Variants in SPACA7 observed in about 807,000 individuals in gnomAD.
SPACA7 encodes sperm acrosome associated 7.
In SPACA7, 19 loss-of-function variants were observed where a neutral mutation model predicts 26.3. That is an observed-to-expected ratio of 0.72 (90% CI 0.50 to 1.06). The LOEUF (loss-of-function observed/expected upper bound fraction) is 1.06. Among genes scored for constraint, SPACA7 ranks in the 50% least tolerant of loss-of-function variants. The pLI, the probability that SPACA7 is intolerant of heterozygous loss-of-function variation, is 0.00. For synonymous variants in SPACA7, 84 were observed against 84.5 expected (o/e 0.99, Z 0.04); for missense variants, 211 against 229.9 (o/e 0.92, Z 0.53).
At chr13:112,399,484 C>T (rs1315360346) in intron 4 of SPACA7, among the ~76,000 whole-genome samples, 2 of 152,236 alleles carry the variant, frequency 1.3e-5, no homozygotes, top group Admixed American at 1.3e-4. Context: ...GCCCCCTCTC[C>T]CAAAGCTTCA....
At chr13:112,421,019 A>G (rs1875910051) in intron 5 of SPACA7, among the ~76,000 whole-genome samples, 1 of 152,164 alleles carries the variant, frequency 6.6e-6, no homozygotes, top group African/African-American at 2.4e-5. Context: ...GGATTATTTC[A>G]GACAAAGATA....
At chr13:112,420,238 T>A (rs1376036798) in intron 5 of SPACA7, among the ~76,000 whole-genome samples, 1 of 152,156 alleles carries the variant, frequency 6.6e-6, no homozygotes, top group Non-Finnish European at 1.5e-5. Context: ...CATTATAAAG[T>A]AATAAACAAC....
chr13:112,412,726 T>C (rs1434786887), intron 5 of SPACA7, among the ~76,000 whole-genome samples: 1 of 152,182 alleles, frequency 6.6e-6, no homozygotes, highest in African/African-American at 2.4e-5. Flanking sequence ...CTTTTTCAAA[T>C]GTATGTTCTT....
chr13:112,432,270 T>G (rs1341476741), intron 5 of SPACA7, among the ~76,000 whole-genome samples, 174 bp from the exon 6 acceptor site: 2 of 152,218 alleles, frequency 1.3e-5, no homozygotes, highest in African/African-American at 4.8e-5. Context: ...GAAATGTTTT[T>G]GATGGCCTCG....
intron 5 of SPACA7, among the ~76,000 whole-genome samples, chr13:112,426,049 C>A (rs1002927352): frequency 1.3e-5 from 2 of 152,234 alleles, no homozygotes; most frequent in African/African-American, 2.4e-5. Context: ...AAATGTATAG[C>A]ATTAAATGCT....
intron 5 of SPACA7, among the ~76,000 whole-genome samples, chr13:112,402,180 T>G (rs548961681): frequency 2.3e-4 from 35 of 152,362 alleles, no homozygotes; most frequent in Admixed American, 1.0e-3. Context: ...GAATAAGTAA[T>G]GTCTTTCTGT....
intron 2 of SPACA7, among the ~76,000 whole-genome samples, chr13:112,397,648 C>T (rs778050638): frequency 9.9e-5 from 15 of 152,130 alleles, no homozygotes; most frequent in Non-Finnish European, 1.5e-4. Context: ...GAAGAAAATG[C>T]GGCTGTGTTG....
At chr13:112,397,362 G>A (rs571434136) in intron 2 of SPACA7, among the ~76,000 whole-genome samples, 33 of 152,242 alleles carry the variant, frequency 2.2e-4, no homozygotes, top group African/African-American at 7.5e-4. Flanking sequence ...CAGAGACAGC[G>A]GTGACTCTCG....
intron 5 of SPACA7, among the ~76,000 whole-genome samples, chr13:112,425,026 G>C (rs542083415): frequency 6.6e-6 from 1 of 152,338 alleles, no homozygotes; most frequent in Admixed American, 6.5e-5. Flanking sequence ...CAGAGGACTG[G>C]AGAAGATGCT....
At chr13:112,383,973 G>A (rs1159980140) in intron 1 of SPACA7, among the ~76,000 whole-genome samples, 1 of 152,208 alleles carries the variant, frequency 6.6e-6, no homozygotes, top group African/African-American at 2.4e-5. Context: ...CAAATATGTT[G>A]TAAATTTTGT....
chr13:112,384,596 T>C (rs1239198253), intron 1 of SPACA7, among the ~76,000 whole-genome samples: 1 of 152,136 alleles, frequency 6.6e-6, no homozygotes, highest in Non-Finnish European at 1.5e-5. Context: ...ATAGCAAAGG[T>C]TTAAAACACT....
At chr13:112,399,335 G>A (rs1349922783) in intron 4 of SPACA7, among the ~76,000 whole-genome samples, 162 bp downstream of exon 4, 1 of 152,228 alleles carries the variant, frequency 6.6e-6, no homozygotes, top group Non-Finnish European at 1.5e-5. Context: ...GTCTCTGTCG[G>A]GGCTGAGGGA....
chr13:112,378,997 G>C (rs763026099), intron 1 of SPACA7, among the ~76,000 whole-genome samples: 6 of 152,216 alleles, frequency 3.9e-5, no homozygotes, highest in Non-Finnish European at 8.8e-5. Context: ...GTTTATGAAA[G>C]TGTAATTACC....
intron 5 of SPACA7, among the ~76,000 whole-genome samples, chr13:112,424,362 G>A (rs1876318623): frequency 6.6e-6 from 1 of 152,154 alleles, no homozygotes; most frequent in Admixed American, 6.5e-5. Flanking sequence ...CCCAGTTACG[G>A]CTTCCCTGCA....
chr13:112,392,341 G>C (rs141747322), intron 1 of SPACA7, among the ~76,000 whole-genome samples: 2 of 152,098 alleles, frequency 1.3e-5, no homozygotes, highest in Non-Finnish European at 2.9e-5. Flanking sequence ...AGGAGGCCAC[G>C]GGGCCTGTGG....
chr13:112,405,673 TAAC>T (rs1237584333), intron 5 of SPACA7, among the ~76,000 whole-genome samples: 1 of 152,214 alleles, frequency 6.6e-6, no homozygotes. Flanking sequence ...TGTGTGTTAA[TAAC>T]AACAACCTTT....
chr13:112,383,131 AAGAAAGAAAGAAAGAAAGAAAGAAAG>A lies in SPACA7; in HGVS notation c.94+6654_94+6679del, dbSNP rs1476547131. Among the ~76,000 whole-genome samples the A allele has an allele frequency of 2.6e-3, 137 of 53,456 alleles. 3 individuals carry two copies. Among genetic ancestry groups the A allele is most frequent in the Non-Finnish European group, 3.0e-3 (94 of 31,580 alleles). The allele number at this position is 53,456 out of a possible 152,430, so 35.1% of individuals were successfully genotyped here. On this transcript the variant is annotated intron_variant, in intron 1 of 6. Transcript: ENST00000283550. ...AAAAGAAAAGAAAAGAAAAGAAAGA[AAGAAAGAAAGAAAGAAAGAAAGAAAG>A]AAAGAAAGAAAGAAAGAAAGAAAGA...
At chr13:112,395,583 G>C (rs1247030653) in intron 2 of SPACA7, among the ~76,000 whole-genome samples, 1 of 152,144 alleles carries the variant, frequency 6.6e-6, no homozygotes, top group African/African-American at 2.4e-5. Flanking sequence ...CGATTCTCCT[G>C]CCTCAGCCTC....
At position 112,378,286 on chromosome 13, in the gene SPACA7, TA is replaced by T. The variant is rs549079125; in HGVS notation, c.94+1815del. On this transcript the variant is annotated intron_variant, in intron 1 of 6. Coordinates refer to ENST00000283550, the MANE Select transcript of SPACA7 (RefSeq NM_145248.5). ...AAGTAAGGTGGAGTTTATCAAAAGA[TA>T]AAAAAAAGTAGAATACACAGGGTTA... Among the ~76,000 whole-genome samples, 21 of 152,080 alleles carry T rather than the reference TA, an allele frequency of 1.4e-4. No homozygotes were observed. The South Asian group carries it at 1.7e-3, about 12-fold the overall frequency.
Sources: gnomAD v4.1 joint callset for allele counts (sites outside exome capture counted in the v4.1 genomes callset) on GRCh38, gnomAD v4.1.1 for gene constraint, MANE v1.5 for transcripts, NCBI Gene and HGNC (gene_info 2026-07-23, HGNC 2026-07-21) for gene names.